The following PTK2 variants were observed in gnomAD, a reference collection of about 807,000 sequenced individuals.
The protein encoded by PTK2 is protein tyrosine kinase 2.
A neutral mutation model predicts 150.1 loss-of-function variants in PTK2; 45 were observed. The observed-to-expected ratio is 0.30, with a 90% CI of 0.24 to 0.38. PTK2 has a LOEUF of 0.38. Ranked by LOEUF, PTK2 falls within the 10% of genes least tolerant of loss-of-function variation. PTK2 has a pLI of 1.00. For synonymous variants in PTK2, 432 were observed against 449.2 expected (o/e 0.96, Z 0.48); for missense variants, 919 against 1,307.3 (o/e 0.70, Z 4.58).
intron 7 of PTK2, chr8:140,833,106 CA>C (rs2100116494): frequency 1.9e-6 from 1 of 516,166 alleles, no homozygotes; most frequent in African/African-American, 1.9e-5. Flanking sequence ...TGAAAGGAAG[CA>C]TATGTTTTTT....
chr8:140,660,619 A>C (rs1333980656), intron 31 of PTK2: 1 of 455,358 alleles, frequency 2.2e-6, no homozygotes, highest in Non-Finnish European at 4.4e-6. Flanking sequence ...CAAGCTACTC[A>C]GGAGGCTGAC....
Position 140,824,431 on chromosome 8 carries a change from GAT to G in PTK2, c.649-5413_649-5412del, listed in dbSNP as rs757212276. 1.8e-3 allele frequency among the ~76,000 whole-genome samples: 270 copies of G among 152,264 alleles called. 1 individual carries two copies. Among genetic ancestry groups the G allele is most frequent in the Non-Finnish European group, 2.6e-3 (180 of 68,022 alleles). On this transcript the variant is annotated intron_variant, in intron 8 of 31. Coordinates refer to ENST00000522684, the Ensembl canonical transcript of PTK2. ...TCAAGCAGCTGGAGTAAAGGAAAACGATATCATTCAGAGTTAGTTTCCTATGG... is the reference window on the plus strand; with the variant it reads ...TCAAGCAGCTGGAGTAAAGGAAAACGATCATTCAGAGTTAGTTTCCTATGG...
intron 8 of PTK2, among the ~76,000 whole-genome samples, chr8:140,830,158 T>C (rs2100114522): frequency 6.6e-6 from 1 of 152,172 alleles, no homozygotes; most frequent in Non-Finnish European, 1.5e-5. Flanking sequence ...TTGCTCCTTT[T>C]CTTCTGCATG....
At chr8:140,843,233 A>G (rs950773919) in intron 7 of PTK2, among the ~76,000 whole-genome samples, 1 of 152,086 alleles carries the variant, frequency 6.6e-6, no homozygotes, top group African/African-American at 2.4e-5. Context: ...CATACCATTC[A>G]CTAATTCACC....
intron 1 of PTK2, among the ~76,000 whole-genome samples, chr8:140,941,128 C>T (rs1202148097): frequency 2.0e-5 from 3 of 152,170 alleles, no homozygotes; most frequent in African/African-American, 4.8e-5. Flanking sequence ...GCTACACCAA[C>T]CGGAACTGTC....
chr8:140,675,939 C>T (rs1049505798), intron 27 of PTK2, among the ~76,000 whole-genome samples: 1 of 152,178 alleles, frequency 6.6e-6, no homozygotes, highest in Non-Finnish European at 1.5e-5. Context: ...ATCATTGTAT[C>T]AAAAAGATAC....
At chr8:140,931,928 CAAAAAAAA>C (rs765792463) in intron 1 of PTK2, among the ~76,000 whole-genome samples, 9 of 54,628 alleles carry the variant, frequency 1.6e-4, no homozygotes, top group Non-Finnish European at 2.0e-4. Context: ...GACCCAGTCT[CAAAAAAAA>C]AAAAAAAAAA....
chr8:140,700,934 A>G (rs2100029939), exon 26 of PTK2: 2 of 1,613,590 alleles, frequency 1.2e-6, no homozygotes, highest in South Asian at 1.1e-5. Context: ...ATCTTCTTCC[A>G]TTTCCTGTTG....
At chr8:140,980,106 T>C (rs1208071099) in intron 1 of PTK2, among the ~76,000 whole-genome samples, 1 of 152,206 alleles carries the variant, frequency 6.6e-6, no homozygotes, top group Non-Finnish European at 1.5e-5. Context: ...TGCACATCCA[T>C]GTCTATGAGC....
At chr8:140,666,023 T>C (rs781584888) in intron 30 of PTK2, among the ~76,000 whole-genome samples, 24 of 152,336 alleles carry the variant, frequency 1.6e-4, no homozygotes, top group Middle Eastern at 3.4e-3. Context: ...GTTGCAAAGA[T>C]TGCTAATAGG....
chr8:140,854,732 T>C (rs1287989539), intron 5 of PTK2, among the ~76,000 whole-genome samples: 2 of 152,222 alleles, frequency 1.3e-5, no homozygotes, highest in Admixed American at 6.5e-5. Context: ...CATCTTTTAA[T>C]GAAGCTATGT....
intron 3 of PTK2, among the ~76,000 whole-genome samples, chr8:140,880,335 T>C (rs765808099): frequency 6.6e-6 from 1 of 152,184 alleles, no homozygotes; most frequent in Non-Finnish European, 1.5e-5. Flanking sequence ...CTAGAGATGG[T>C]GAAATTTCTC....
intron 2 of PTK2, among the ~76,000 whole-genome samples, chr8:140,899,143 C>T (rs1054161922): frequency 6.6e-6 from 1 of 152,054 alleles, no homozygotes; most frequent in African/African-American, 2.4e-5. Flanking sequence ...TTTAATATGC[C>T]CTTTTTCCAA....
At chr8:140,769,826 A>G (rs1407402841) in intron 14 of PTK2, among the ~76,000 whole-genome samples, 1 of 152,250 alleles carries the variant, frequency 6.6e-6, no homozygotes, top group Non-Finnish European at 1.5e-5. Context: ...AAAGCTGTCA[A>G]TGTATTACAT....
At chr8:140,731,313 T>C (rs1176528187) in intron 22 of PTK2, among the ~76,000 whole-genome samples, 1 of 152,094 alleles carries the variant, frequency 6.6e-6, no homozygotes, top group Non-Finnish European at 1.5e-5. Flanking sequence ...CTGACAGTCA[T>C]AAAGCACAAA....
intron 2 of PTK2, among the ~76,000 whole-genome samples, chr8:140,920,336 T>C (rs572733187): frequency 1.3e-5 from 2 of 152,286 alleles, no homozygotes; most frequent in Non-Finnish European, 2.9e-5. Context: ...AGAAGAAAAT[T>C]GTTTATGTAT....
chr8:140,879,692 AAAAAAAAAAC>A, intron 3 of PTK2, 55 bp from the exon 4 acceptor site: 1 of 1,270,134 alleles, frequency 7.9e-7, no homozygotes, highest in Non-Finnish European at 1.0e-6. Context: ...AAAAAAAAAA[AAAAAAAAAAC>A]CAAAACAAAA....
At chr8:140,664,851 G>T in intron 31 of PTK2, 66 bp downstream of exon 35, 1 of 1,496,160 alleles carries the variant, frequency 6.7e-7, no homozygotes, top group African/African-American at 1.4e-5. Flanking sequence ...AGCACCACAG[G>T]CATCCCTGAA....
chr8:140,970,448 T>C (rs2100186819), intron 1 of PTK2, among the ~76,000 whole-genome samples: 1 of 152,256 alleles, frequency 6.6e-6, no homozygotes, highest in African/African-American at 2.4e-5. Flanking sequence ...TCTATGTCAG[T>C]TCTTGGCAAC....
Sources: gnomAD v4.1 joint callset for allele counts (sites outside exome capture counted in the v4.1 genomes callset) on GRCh38, gnomAD v4.1.1 for gene constraint, MANE v1.5 for transcripts, NCBI Gene and HGNC (gene_info 2026-07-23, HGNC 2026-07-21) for gene names.